The following PPP1R12A variants were observed in gnomAD, a reference collection of about 807,000 sequenced individuals.
The protein encoded by PPP1R12A is myosin binding subunit.
PPP1R12A carries 19 observed loss-of-function variants against 139.6 expected under a neutral mutation model. That is an observed-to-expected ratio of 0.14 (90% confidence interval 0.09 to 0.20). The LOEUF is 0.20. Among genes scored for constraint, PPP1R12A ranks in the 10% least tolerant of loss-of-function variants. PPP1R12A has a pLI of 1.00. For synonymous variants in PPP1R12A, 427 were observed against 420.6 expected, an observed-to-expected ratio of 1.02 and a Z score of -0.19; for missense variants, 925 against 1,211.5, an observed-to-expected ratio of 0.76 and a Z score of 3.51.
intron 1 of PPP1R12A, among the ~76,000 whole-genome samples, chr12:79,918,924 T>C (rs1241682946): frequency 6.6e-6 from 1 of 152,008 alleles, no homozygotes; most frequent in Non-Finnish European, 1.5e-5. Flanking sequence ...GAGACCAGCC[T>C]GGCCAACACG....
chr12:79,812,391 C>CGTGTGCGTGTGTGT (rs1874685309), intron 9 of PPP1R12A, among the ~76,000 whole-genome samples: 1 of 134,510 alleles, frequency 7.4e-6, no homozygotes, highest in Admixed American at 7.6e-5. Flanking sequence ...TCTGTGTGTG[C>CGTGTGCGTGTGTGT]GTGTGTGTGT....
intron 21 of PPP1R12A, chr12:79,786,754 T>C: frequency 8.3e-6 from 2 of 240,230 alleles, no homozygotes; most frequent in Non-Finnish European, 1.6e-5. Flanking sequence ...GATTCAGTTA[T>C]CTGATAAAGA....
chr12:79,790,119 A>G (rs1453454405), intron 20 of PPP1R12A, among the ~76,000 whole-genome samples: 1 of 152,076 alleles, frequency 6.6e-6, no homozygotes, highest in Non-Finnish European at 1.5e-5. Context: ...CTTTTGTCTA[A>G]AGCAGGGCTA....
intron 1 of PPP1R12A, among the ~76,000 whole-genome samples, chr12:79,901,238 T>C (rs562808155): frequency 2.0e-5 from 3 of 152,272 alleles, no homozygotes; most frequent in Non-Finnish European, 2.9e-5. Flanking sequence ...AGGAAAATTT[T>C]AGTAGTAATC....
chr12:79,927,085 C>A (rs371206742), intron 1 of PPP1R12A, among the ~76,000 whole-genome samples: 2 of 150,410 alleles, frequency 1.3e-5, no homozygotes, highest in Non-Finnish European at 3.0e-5. Flanking sequence ...CCCAGCTGAT[C>A]GGGAGGCTGA....
At position 79,845,241 on chromosome 12, in the gene PPP1R12A, G is replaced by T. The variant is rs990317990; in HGVS notation, c.487+61C>A. 7.1e-6 allele frequency: 9 copies of T among 1,262,256 alleles called. No individual in the cohort carries two copies. The East Asian group carries it at 1.7e-4, about 24-fold the overall frequency. 78.2% of individuals were successfully genotyped at this position (1,262,256 alleles called of 1,614,324 possible). A position where few individuals can be genotyped will look rare whatever the true frequency, so the allele number is the denominator to read the frequency against. ...CCCTTCAATGTCAACAAATATTTTT[G>T]CTGGAAAAGTATCACATTCTTTCTA... On this transcript the variant is annotated intron_variant, in intron 3 of 24. Transcript: ENST00000450142.
chr12:79,920,050 G>T (rs140446305), intron 1 of PPP1R12A, among the ~76,000 whole-genome samples: 1 of 152,188 alleles, frequency 6.6e-6, no homozygotes, highest in East Asian at 1.9e-4. Context: ...CTAGTTTCTG[G>T]CAACCATTTA....
Position 79,798,488 on chromosome 12 carries a change from C to T in PPP1R12A, c.2091+6G>A. ...AAGTTTTATATATTAATTACATTAA[C>T]TATACCTGTGTTGATCTTCTAGATT... is the stretch of plus-strand genomic sequence containing the variant. On this transcript the variant is annotated splice_donor_region_variant and intron_variant, in intron 15 of 24. Transcript: ENST00000450142. 1 of 1,507,450 alleles carries T rather than the reference C, an allele frequency of 6.6e-7. No homozygotes were observed. The highest frequency in any genetic ancestry group is 9.0e-7 in the Non-Finnish European group (1 of 1,107,588). The allele number at this position is 1,507,450 out of a possible 1,614,324, so 93.4% of individuals were successfully genotyped here. A position where few individuals can be genotyped will look rare whatever the true frequency, so the allele number is the denominator to read the frequency against.
At chr12:79,876,061 T>C (rs1883070268) in intron 1 of PPP1R12A, among the ~76,000 whole-genome samples, 1 of 152,160 alleles carries the variant, frequency 6.6e-6, no homozygotes, top group African/African-American at 2.4e-5. Flanking sequence ...TGGATCAGCA[T>C]TATACACAAG....
At chr12:79,807,940 G>C (rs184702098) in intron 11 of PPP1R12A, among the ~76,000 whole-genome samples, 118 of 152,012 alleles carry the variant, frequency 7.8e-4, no homozygotes, top group Non-Finnish European at 1.4e-3. Context: ...GAGAGGCTGA[G>C]GCAGAGAACT....
chr12:79,882,941 A>G (rs1432960287), intron 1 of PPP1R12A, among the ~76,000 whole-genome samples: 1 of 152,176 alleles, frequency 6.6e-6, no homozygotes. Context: ...GTATGGGACC[A>G]GCCTGACCAA....
chr12:79,800,937 G>T (rs1873053913), intron 14 of PPP1R12A, among the ~76,000 whole-genome samples: 1 of 151,640 alleles, frequency 6.6e-6, no homozygotes, highest in Non-Finnish European at 1.5e-5. Context: ...GTTTCACCCT[G>T]TTAGCCAGGA....
At chr12:79,861,538 T>C (rs1045321057) in intron 2 of PPP1R12A, among the ~76,000 whole-genome samples, 1 of 152,130 alleles carries the variant, frequency 6.6e-6, no homozygotes, top group Non-Finnish European at 1.5e-5. Flanking sequence ...CAAGGGGTCA[T>C]GGGATTTCCC....
At chr12:79,838,112 G>C (rs1878300880) in intron 3 of PPP1R12A, among the ~76,000 whole-genome samples, 1 of 152,196 alleles carries the variant, frequency 6.6e-6, no homozygotes, top group South Asian at 2.1e-4. Flanking sequence ...CCAAAATGCT[G>C]ATAGTGATAT....
At position 79,775,917 on chromosome 12, in the gene PPP1R12A, C is replaced by CTTT; in HGVS notation, c.*9_*11dup. On this transcript the variant is annotated 3_prime_UTR_variant, in exon 25 of 25. Transcript: ENST00000450142. The stretch of plus-strand genomic sequence containing the variant: ...ATATGTGCAATTCCATTACTTGCTG[C>CTTT]TTTTTTTTTTTTTATTTGGAAAGTT... 10 of 1,303,914 alleles carry CTTT rather than the reference C, an allele frequency of 7.7e-6. No homozygotes were observed. The highest frequency in any genetic ancestry group is 2.2e-5 in the Admixed American group (1 of 45,678). The allele number at this position is 1,303,914 out of a possible 1,614,324, so 80.8% of individuals were successfully genotyped here.
intron 1 of PPP1R12A, among the ~76,000 whole-genome samples, chr12:79,927,086 G>A (rs1013209165): frequency 9.1e-4 from 138 of 151,812 alleles, no homozygotes; most frequent in African/African-American, 2.9e-3. Flanking sequence ...CCAGCTGATC[G>A]GGAGGCTGAG....
chr12:79,899,439 A>G (rs1046727861), intron 1 of PPP1R12A, among the ~76,000 whole-genome samples: 2 of 151,950 alleles, frequency 1.3e-5, no homozygotes, highest in Admixed American at 6.6e-5. Flanking sequence ...TTCCACCACA[A>G]TAAATGAGTG....
rs916406171 is a variant in PPP1R12A, at chr12:79,815,131, T to C, written c.1239+2263A>G. Among the ~76,000 whole-genome samples, 13 of 152,234 alleles carry C rather than the reference T, an allele frequency of 8.5e-5. No individual in the cohort carries two copies. In the East Asian group the frequency reaches 2.3e-3, roughly 27 times the overall value. On this transcript the variant is annotated intron_variant, in intron 9 of 24. Transcript: ENST00000450142. ...CATTAGGTATAAATTGAGAACTACA[T>C]TGCCATAAATGTTGGCTATATGTGA...
chr12:79,930,549 G>C (rs558815109), intron 1 of PPP1R12A, among the ~76,000 whole-genome samples: 1 of 152,264 alleles, frequency 6.6e-6, no homozygotes, highest in East Asian at 1.9e-4. Flanking sequence ...GAGGCAGGTG[G>C]ATCACCTGAG....
Sources: gnomAD v4.1 joint callset for allele counts (sites outside exome capture counted in the v4.1 genomes callset) on GRCh38, gnomAD v4.1.1 for gene constraint, MANE v1.5 for transcripts, NCBI Gene and HGNC (gene_info 2026-07-23, HGNC 2026-07-21) for gene names.